Variants in DOK6 observed in about 807,000 individuals in gnomAD.
The protein encoded by DOK6 is downstream of tyrosine kinase 6.
DOK6 carries 22 observed loss-of-function variants against 44.0 expected under a neutral mutation model. The ratio of observed to expected loss-of-function variants is 0.50; its 90% CI spans 0.36 to 0.71. The LOEUF is 0.71. DOK6 is among the 30% of genes least tolerant of loss of function. The probability of loss-of-function intolerance (pLI) is 0.00; values close to 1 mark genes in which losing one functional copy is unlikely to be tolerated. For synonymous variants in DOK6, 166 were observed against 145.5 expected (o/e 1.14, Z -1.01); for missense variants, 340 against 416.4 (o/e 0.82, Z 1.60).
intron 2 of DOK6, among the ~76,000 whole-genome samples, chr18:69,576,929 A>T (rs753754223): frequency 1.3e-5 from 2 of 152,194 alleles, no homozygotes; most frequent in Non-Finnish European, 2.9e-5. Flanking sequence ...GGAGGAAAAT[A>T]TAAATAAAAT....
chr18:69,412,457 C>T (rs139901190), intron 1 of DOK6, among the ~76,000 whole-genome samples: 440 of 151,988 alleles, frequency 2.9e-3, no homozygotes, highest in Non-Finnish European at 4.9e-3. Context: ...GTGGCAAGAC[C>T]GACTCCCAGA....
At chr18:69,584,012 GC>G in intron 2 of DOK6, among the ~76,000 whole-genome samples, 1 of 149,520 alleles carries the variant, frequency 6.7e-6, no homozygotes, top group Middle Eastern at 3.4e-3. Flanking sequence ...GGAGGCTGAG[GC>G]AGGAGAATGG....
chr18:69,763,964 A>G (rs1284999560), intron 7 of DOK6, among the ~76,000 whole-genome samples: 1 of 152,214 alleles, frequency 6.6e-6, no homozygotes, highest in African/African-American at 2.4e-5. Flanking sequence ...TGGACCTGAG[A>G]AAAATTCTCT....
chr18:69,754,622 A>G (rs1979296329), intron 6 of DOK6, among the ~76,000 whole-genome samples: 1 of 152,128 alleles, frequency 6.6e-6, no homozygotes, highest in Non-Finnish European at 1.5e-5. Context: ...GCAAAAACCA[A>G]TATACCTGCA....
intron 3 of DOK6, among the ~76,000 whole-genome samples, chr18:69,609,420 T>C (rs2144629361): frequency 6.6e-6 from 1 of 151,934 alleles, no homozygotes; most frequent in South Asian, 2.1e-4. Context: ...ATTATAAAAA[T>C]GTAGATCAAA....
intron 1 of DOK6, among the ~76,000 whole-genome samples, chr18:69,514,852 G>T (rs1036838): frequency 0.015 from 695 of 46,572 alleles, 6 homozygotes; most frequent in African/African-American, 0.027. Context: ...TTTTTTTTTT[G>T]AAGAAACAGA....
At chr18:69,516,577 G>GTATATTGAC (rs1202373274) in intron 1 of DOK6, among the ~76,000 whole-genome samples, 1 of 152,032 alleles carries the variant, frequency 6.6e-6, no homozygotes, top group African/African-American at 2.4e-5. Context: ...AAAGAGATTT[G>GTATATTGAC]TATATTGACT....
chr18:69,434,523 G>T (rs1978892882), intron 1 of DOK6, among the ~76,000 whole-genome samples: 1 of 151,836 alleles, frequency 6.6e-6, no homozygotes, highest in African/African-American at 2.4e-5. Context: ...AGGCACGGTG[G>T]CTCACGCCTG....
At chr18:69,630,352 TA>T (rs912138197) in intron 3 of DOK6, among the ~76,000 whole-genome samples, 3 of 151,988 alleles carry the variant, frequency 2.0e-5, no homozygotes, top group African/African-American at 4.8e-5. Flanking sequence ...TCCTTGGAAT[TA>T]AAAAAAAGGA....
At chr18:69,579,908 C>G (rs1364233757) in intron 2 of DOK6, among the ~76,000 whole-genome samples, 1 of 152,124 alleles carries the variant, frequency 6.6e-6, no homozygotes, top group Non-Finnish European at 1.5e-5. Context: ...CAGGCGTGAA[C>G]CACTCTGCCC....
Position 69,527,945 on chromosome 18 carries a change from C to G in DOK6, c.67-36542C>G, listed in dbSNP as rs4243310. ...CTGGGAGGCCAAGGCGGGCGGATCA[C>G]GAGGTCAGGAGATCGATACCATCTT... On this transcript the variant is annotated intron_variant, in intron 1 of 7. Transcript: ENST00000382713. Among the ~76,000 whole-genome samples the G allele has an allele frequency of 4.1e-4, 63 of 152,160 alleles. 1 individual carries two copies. In the South Asian group the frequency reaches 7.9e-3, roughly 19 times the overall value.
intron 7 of DOK6, among the ~76,000 whole-genome samples, chr18:69,828,884 G>GTGTATATATATATATATATATATA (rs1555673465): frequency 1.1e-5 from 1 of 90,172 alleles, no homozygotes; most frequent in African/African-American, 3.1e-5. Context: ...ACATTTATGT[G>GTGTATATATATATATATATATATA]TATATATATA....
chr18:69,830,059 TA>T (rs1981858070), intron 7 of DOK6, among the ~76,000 whole-genome samples: 3 of 152,118 alleles, frequency 2.0e-5, no homozygotes. Context: ...CCAAATTATA[TA>T]ATTTCACAAA....
chr18:69,541,064 A>T (rs1384201083), intron 1 of DOK6, among the ~76,000 whole-genome samples: 1 of 152,318 alleles, frequency 6.6e-6, no homozygotes, highest in East Asian at 1.9e-4. Flanking sequence ...TAAAATGCAT[A>T]TCATAACACT....
chr18:69,841,093 T>C (rs1277235212), intron 7 of DOK6, 151 bp from the exon 8 acceptor site: 6 of 931,350 alleles, frequency 6.4e-6, no homozygotes, highest in Non-Finnish European at 9.4e-6. Context: ...TACCAACTTA[T>C]CTTGAGCTCA....
Position 69,457,578 on chromosome 18 carries a change from G to A in DOK6, c.66+56268G>A, listed in dbSNP as rs142097979. 2.6e-5 allele frequency among the ~76,000 whole-genome samples: 4 copies of A among 152,300 alleles called. No homozygotes were observed. The East Asian group carries it at 7.7e-4, about 29-fold the overall frequency. ...GAAGTCAGGTGATGTGATGCCTCAAGTCTGGTTCTTTTTTGCTTAGGATTG... is the reference window on the plus strand; with the variant it reads ...GAAGTCAGGTGATGTGATGCCTCAAATCTGGTTCTTTTTTGCTTAGGATTG... On this transcript the variant is annotated intron_variant, in intron 1 of 7. Coordinates refer to ENST00000382713, the MANE Select transcript of DOK6 (RefSeq NM_152721.6).
At chr18:69,735,660 A>T (rs1230229580) in intron 5 of DOK6, among the ~76,000 whole-genome samples, 2 of 152,152 alleles carry the variant, frequency 1.3e-5, no homozygotes, top group African/African-American at 4.8e-5. Flanking sequence ...CCCAGGACTG[A>T]CTCAGCTATT....
intron 7 of DOK6, among the ~76,000 whole-genome samples, chr18:69,791,677 C>G (rs1384281317): frequency 6.6e-6 from 1 of 152,072 alleles, no homozygotes; most frequent in African/African-American, 2.4e-5. Context: ...GGGGAGTTTG[C>G]AGATATTTTC....
intron 1 of DOK6, among the ~76,000 whole-genome samples, chr18:69,523,372 T>G (rs1008905154): frequency 2.0e-5 from 3 of 152,086 alleles, no homozygotes; most frequent in Admixed American, 2.0e-4. Flanking sequence ...ATTTTAAGTT[T>G]TATGTTCCAC....
Sources: allele counts gnomAD v4.1 joint callset (sites outside exome capture counted in the v4.1 genomes callset), GRCh38; gene constraint gnomAD v4.1.1; transcripts MANE v1.5; gene names NCBI Gene and HGNC (gene_info 2026-07-23, HGNC 2026-07-21).